CADPS2: variants seen among roughly 807,000 people sequenced by gnomAD.
The protein encoded by CADPS2 is calcium-dependent secretion activator 2.
CADPS2 carries 93 observed loss-of-function variants against 172.5 expected under a neutral mutation model. That is an observed-to-expected ratio of 0.54 (90% CI 0.46 to 0.64). The LOEUF (loss-of-function observed/expected upper bound fraction) is 0.64, where lower values mean the gene tolerates loss of function less well. Among genes scored for constraint, CADPS2 ranks in the 30% least tolerant of loss-of-function variants. CADPS2 has a pLI of 0.00. For synonymous variants in CADPS2, 546 were observed against 555.2 expected, an observed-to-expected ratio of 0.98 and a Z score of 0.23; for missense variants, 1,420 against 1,565.9, an observed-to-expected ratio of 0.91 and a Z score of 1.57.
At chr7:122,426,323 G>A (rs2049168083) in intron 17 of CADPS2, 1 of 152,156 alleles carries the variant, frequency 6.6e-6, no homozygotes, top group Non-Finnish European at 1.5e-5. Flanking sequence ...GAGTAGGGTT[G>A]GGCTTAGTGC....
At chr7:122,420,514 G>A (rs1312109585) in intron 17 of CADPS2, among the ~76,000 whole-genome samples, 2 of 152,180 alleles carry the variant, frequency 1.3e-5, no homozygotes, top group African/African-American at 2.4e-5. Context: ...TTTGGCTAAG[G>A]CCAAGAAGTT....
intron 27 of CADPS2, among the ~76,000 whole-genome samples, chr7:122,351,129 G>C (rs747429301): frequency 2.6e-5 from 4 of 151,828 alleles, no homozygotes; most frequent in Non-Finnish European, 5.9e-5. Context: ...ACTTTGGGAG[G>C]CTGAGGTGGG....
At chr7:122,832,931 T>C (rs897297053) in intron 1 of CADPS2, among the ~76,000 whole-genome samples, 1 of 152,230 alleles carries the variant, frequency 6.6e-6, no homozygotes, top group East Asian at 1.9e-4. Context: ...CTCTTCACTT[T>C]TGTTTCCCTT....
At chr7:122,544,291 A>G (rs940910983) in intron 8 of CADPS2, among the ~76,000 whole-genome samples, 7 of 152,174 alleles carry the variant, frequency 4.6e-5, no homozygotes, top group African/African-American at 1.7e-4. Flanking sequence ...GACATACATC[A>G]TGGGCTAAGG....
At position 122,862,724 on chromosome 7, in the gene CADPS2, G is replaced by GT. The variant is rs569664387; in HGVS notation, c.339+23274dup. 6.3e-3 allele frequency among the ~76,000 whole-genome samples: 946 copies of GT among 150,694 alleles called. 2 individuals are homozygous for GT. Among genetic ancestry groups the GT allele is most frequent in the Non-Finnish European group, 8.8e-3 (594 of 67,678 alleles). On this transcript the variant is annotated intron_variant, in intron 1 of 29. Transcript: ENST00000449022. ...AATAATGATCAATAAGCTCCATTTT[G>GT]TTTTTTTTAAAAAAAAAAGAATAAC... is the stretch of plus-strand genomic sequence containing the variant.
intron 1 of CADPS2, among the ~76,000 whole-genome samples, chr7:122,854,397 G>T (rs528956779): frequency 2.0e-5 from 3 of 152,016 alleles, no homozygotes; most frequent in Non-Finnish European, 4.4e-5. Context: ...AAGGTCTTGC[G>T]TTCACTGCCT....
chr7:122,851,020 T>G (rs1813426576), intron 1 of CADPS2, among the ~76,000 whole-genome samples: 1 of 152,250 alleles, frequency 6.6e-6, no homozygotes, highest in African/African-American at 2.4e-5. Flanking sequence ...TACAATGAGA[T>G]AGTTGTGTCT....
intron 2 of CADPS2, among the ~76,000 whole-genome samples, chr7:122,733,667 A>C (rs2091888941): frequency 6.6e-6 from 1 of 151,990 alleles, no homozygotes; most frequent in South Asian, 2.1e-4. Flanking sequence ...TTGGGACTTC[A>C]GGAACTCACC....
At chr7:122,472,735 T>C (rs575105472) in intron 13 of CADPS2, among the ~76,000 whole-genome samples, 1 of 152,286 alleles carries the variant, frequency 6.6e-6, no homozygotes, top group South Asian at 2.1e-4. Context: ...TAGAATAGGA[T>C]TTTGAGATGA....
intron 2 of CADPS2, among the ~76,000 whole-genome samples, chr7:122,725,462 T>G (rs538974107): frequency 1.3e-5 from 2 of 151,954 alleles, no homozygotes; most frequent in South Asian, 4.2e-4. Context: ...ATGGATATAC[T>G]GCATGGACCA....
rs144350881 is a variant in CADPS2, at chr7:122,853,805, G to A, written c.339+32194C>T. 3.4e-3 allele frequency among the ~76,000 whole-genome samples: 522 copies of A among 152,288 alleles called. 1 individual carries two copies. Among genetic ancestry groups the A allele is most frequent in the Middle Eastern group, 0.034 (10 of 294 alleles). ...GAGATGGAAGAAGAGAGGGGAAGCA[G>A]GAGCGAAAAGCGGATGTGGGGAAGG... On this transcript the variant is annotated intron_variant, in intron 1 of 29. Coordinates refer to ENST00000449022, the MANE Select transcript of CADPS2 (RefSeq NM_017954.11).
chr7:122,344,615 G>C (rs1000345912), intron 28 of CADPS2, among the ~76,000 whole-genome samples: 2 of 152,152 alleles, frequency 1.3e-5, no homozygotes, highest in Non-Finnish European at 2.9e-5. Flanking sequence ...TAGAGTGGCA[G>C]ATATTTGGCT....
At chr7:122,709,859 A>G (rs1207585793) in intron 2 of CADPS2, among the ~76,000 whole-genome samples, 1 of 151,974 alleles carries the variant, frequency 6.6e-6, no homozygotes, top group Admixed American at 6.6e-5. Context: ...TTGAACAATG[A>G]GAACACATGG....
chr7:122,817,970 CCT>C (rs979848256), intron 1 of CADPS2, among the ~76,000 whole-genome samples: 1 of 150,802 alleles, frequency 6.6e-6, no homozygotes, highest in African/African-American at 2.4e-5. Flanking sequence ...ATTTCCGTGC[CCT>C]GACCCCTTAT....
chr7:122,392,547 A>C (rs2044511808), intron 22 of CADPS2, among the ~76,000 whole-genome samples: 1 of 152,148 alleles, frequency 6.6e-6, no homozygotes, highest in African/African-American at 2.4e-5. Context: ...TGTTCACTTC[A>C]GTGGTTCTTA....
intron 11 of CADPS2, among the ~76,000 whole-genome samples, chr7:122,483,945 A>G (rs1311850440): frequency 6.6e-6 from 1 of 152,172 alleles, no homozygotes; most frequent in Non-Finnish European, 1.5e-5. Context: ...CATCCCAAAG[A>G]GAAACTAAAG....
chr7:122,345,018 C>G (rs1372562424), intron 28 of CADPS2, among the ~76,000 whole-genome samples: 1 of 151,988 alleles, frequency 6.6e-6, no homozygotes, highest in Admixed American at 6.6e-5. Flanking sequence ...GTCACCAAGA[C>G]AAAAAACTGA....
chr7:122,865,866 G>A (rs1445832686), intron 1 of CADPS2, among the ~76,000 whole-genome samples: 1 of 152,198 alleles, frequency 6.6e-6, no homozygotes, highest in Non-Finnish European at 1.5e-5. Flanking sequence ...GGAAGAAAGG[G>A]GAGCCACATG....
intron 2 of CADPS2, among the ~76,000 whole-genome samples, chr7:122,688,852 AC>A (rs1256796729): frequency 6.6e-6 from 1 of 151,510 alleles, no homozygotes; most frequent in African/African-American, 2.4e-5. Flanking sequence ...CTTACACTCC[AC>A]CCCCTCGGCC....
Sources: allele counts gnomAD v4.1 joint callset (sites outside exome capture counted in the v4.1 genomes callset), GRCh38; gene constraint gnomAD v4.1.1; transcripts MANE v1.5; gene names NCBI Gene and HGNC (gene_info 2026-07-23, HGNC 2026-07-21).